Variants in CENPE observed in about 807,000 individuals in gnomAD.
CENPE encodes the protein centromere-associated protein E.
A neutral mutation model predicts 336.1 loss-of-function variants in CENPE; 145 were observed. The observed-to-expected ratio is 0.43, with a 90% CI of 0.38 to 0.50. The LOEUF (loss-of-function observed/expected upper bound fraction) is 0.50. CENPE is among the 20% of genes least tolerant of loss of function. The pLI is 0.00. For missense variants in CENPE, 2,719 were observed against 3,023.3 expected, an observed-to-expected ratio of 0.90 and a Z score of 2.36; for synonymous variants, 1,013 against 984.8, an observed-to-expected ratio of 1.03 and a Z score of -0.54.
At position 103,161,242 on chromosome 4, in the gene CENPE, C is replaced by T; in HGVS notation, c.1975G>A (p.Ala659Thr). The T allele has an allele frequency of 6.2e-7, 1 of 1,607,916 alleles. No individual in the cohort carries two copies. Among genetic ancestry groups the T allele is most frequent in the South Asian group, 1.1e-5 (1 of 89,696 alleles). ...LELKEKMKEL[A>T]TTYKQMENDI... ...TTTTCCATTTGCTTGTATGTAGTTG[C>T]AAGTTCTTTCTATTGAGAAAAACAT... Residue 659 changes from alanine to threonine, a missense_variant, in exon 20 of 49, where the codon GCA becomes ACA. Around this residue, in one of 5 missense-constraint regions of CENPE, gnomAD observed 2,437 missense variants for 2,513.3 expected, o/e 0.97. Coordinates refer to ENST00000265148, the MANE Select transcript of CENPE (RefSeq NM_001813.3).
intron 42 of CENPE, among the ~76,000 whole-genome samples, chr4:103,131,204 C>T (rs1751562063): frequency 6.6e-6 from 1 of 151,972 alleles, no homozygotes; most frequent in African/African-American, 2.4e-5. Flanking sequence ...TGATAAAAGA[C>T]CAATATTCAA....
chr4:103,134,059 A>G (rs1456310931), intron 40 of CENPE, among the ~76,000 whole-genome samples, 167 bp from the exon 41 acceptor site: 3 of 152,098 alleles, frequency 2.0e-5, no homozygotes, highest in Non-Finnish European at 2.9e-5. Context: ...TTTTCCTCTT[A>G]GTATCTTAGG....
intron 48 of CENPE, among the ~76,000 whole-genome samples, chr4:103,107,228 A>G (rs1210714558): frequency 6.6e-6 from 1 of 152,194 alleles, no homozygotes; most frequent in Admixed American, 6.5e-5. Flanking sequence ...AGCCAATAGA[A>G]GGTCCTTAAA....
At chr4:103,107,762 C>T (rs1187959053) in intron 48 of CENPE, among the ~76,000 whole-genome samples, 2 of 152,136 alleles carry the variant, frequency 1.3e-5, no homozygotes, top group Non-Finnish European at 2.9e-5. Flanking sequence ...CTTCTCTACT[C>T]CAAGTCCACA....
chr4:103,164,600 T>A (rs1298875829), intron 16 of CENPE, among the ~76,000 whole-genome samples: 6 of 152,162 alleles, frequency 3.9e-5, no homozygotes, highest in South Asian at 4.1e-4. Flanking sequence ...GAGAACATAT[T>A]TTATTCAACC....
chr4:103,192,935 T>G (rs1331046859), intron 8 of CENPE, among the ~76,000 whole-genome samples: 1 of 151,858 alleles, frequency 6.6e-6, no homozygotes, highest in Non-Finnish European at 1.5e-5. Context: ...TTAATTATTT[T>G]TTTAGGAGGG....
rs2125925548 is a variant in CENPE at position 103,144,405 on chromosome 4, G to A, written c.5071C>T (p.Leu1691Phe). The change falls in exon 33 of 49, where the codon CTT becomes TTT. Residue 1691 changes from leucine (L) to phenylalanine (F), a missense_variant. Leu to Phe is a conservative substitution (Grantham distance 22). This residue lies in a region of CENPE where 2,437 missense variants were observed against 2,513.3 expected (regional missense o/e 0.97). Coordinates refer to ENST00000265148, the MANE Select transcript of CENPE (RefSeq NM_001813.3). ...TTGAGAGTCTCCTCCACACTCCTAA[G>A]GTCATCTCTTTCTTTTGTTACAGAT... ...MRSVTKERDD[L>F]RSVEETLKVE... 3 of 1,613,800 alleles carry A rather than the reference G, an allele frequency of 1.9e-6. No individual in the cohort carries two copies. The East Asian group carries it at 6.7e-5, about 36-fold the overall frequency.
At chr4:103,198,091 T>G (rs904927198) in intron 1 of CENPE, among the ~76,000 whole-genome samples, 173 bp downstream of exon 1, 2 of 152,320 alleles carry the variant, frequency 1.3e-5, no homozygotes, top group African/African-American at 4.8e-5. Flanking sequence ...ATCTTCTAGA[T>G]CTCCGATCCT....
At chr4:103,139,766 A>G (rs1441111790) in intron 38 of CENPE, 23 bp downstream of exon 38, 1 of 1,559,484 alleles carries the variant, frequency 6.4e-7, no homozygotes, top group East Asian at 2.3e-5. Flanking sequence ...TAGTTACTAC[A>G]CAAAGGAAGA....
intron 8 of CENPE, among the ~76,000 whole-genome samples, chr4:103,190,762 G>A (rs1757237665): frequency 2.6e-5 from 4 of 152,080 alleles, no homozygotes; most frequent in South Asian, 2.1e-4. Flanking sequence ...AACACCAAAA[G>A]CAATGACAAC....
chr4:103,135,025 CT>C (rs1751947382), intron 40 of CENPE, among the ~76,000 whole-genome samples: 2 of 152,364 alleles, frequency 1.3e-5, no homozygotes, highest in South Asian at 4.1e-4. Flanking sequence ...CTCTTCTCCA[CT>C]GATTTGGGTA....
At chr4:103,115,935 G>C (rs1750066174) in intron 45 of CENPE, among the ~76,000 whole-genome samples, 1 of 151,908 alleles carries the variant, frequency 6.6e-6, no homozygotes, top group African/African-American at 2.4e-5. Context: ...GTTTCACCGT[G>C]TTAGCCAGGA....
intron 8 of CENPE, among the ~76,000 whole-genome samples, chr4:103,193,021 C>T (rs1279176499): frequency 1.1e-4 from 16 of 151,242 alleles, no homozygotes; most frequent in African/African-American, 2.9e-4. Context: ...CCACCAAGGC[C>T]AGGAGATAAT....
At position 103,140,420 on chromosome 4, in the gene CENPE, T is replaced by G; in HGVS notation, c.5755-6A>C. On this transcript the variant is annotated splice_region_variant and splice_polypyrimidine_tract_variant and intron_variant, in intron 36 of 48. Transcript: ENST00000265148. ...TCCTGTTGTATTTCCAGATCCTTTA[T>G]GGTTAGAAGAAATCAAGAAATGTAA... 6.4e-7 allele frequency: 1 copy of G among 1,551,786 alleles called. No homozygotes were observed. The highest frequency in any genetic ancestry group is 8.7e-7 in the Non-Finnish European group (1 of 1,151,452).
chr4:103,129,994 A>G (rs1180029230), intron 42 of CENPE, among the ~76,000 whole-genome samples: 1 of 152,226 alleles, frequency 6.6e-6, no homozygotes, highest in East Asian at 1.9e-4. Flanking sequence ...TAAAACTCTC[A>G]GCAATAGAGA....
Position 103,182,775 on chromosome 4 carries a change from A to C in CENPE, c.950T>G (p.Leu317Arg). ...TITPVSFDET[L>R]TALQFASTAK... ...AATCAAACTCACCTGGAGAGCAGTA[A>C]GTGTTTCATCAAAAGATACTGGAGT... is the stretch of plus-strand genomic sequence containing the variant. Residue 317 changes from leucine (L) to arginine (R), a missense_variant, in exon 11 of 49, where the codon CTT (leucine) becomes CGT (arginine). Transcript: ENST00000265148. The C allele has an allele frequency of 6.2e-7, 1 of 1,609,846 alleles. No individual in the cohort carries two copies. Among genetic ancestry groups the C allele is most frequent in the Non-Finnish European group, 8.5e-7 (1 of 1,177,910 alleles).
intron 20 of CENPE, 26 bp from the exon 21 acceptor site, chr4:103,160,805 A>C (rs763298850): frequency 6.4e-7 from 1 of 1,557,128 alleles, no homozygotes; most frequent in Non-Finnish European, 8.7e-7. Flanking sequence ...AAATTGTATA[A>C]AGATCCAATG....
At position 103,110,908 on chromosome 4, in the gene CENPE, T is replaced by G; in HGVS notation, c.7644A>C (p.Glu2548Asp). The G allele has an allele frequency of 6.2e-7, 1 of 1,612,172 alleles. No homozygotes were observed. Among genetic ancestry groups the G allele is most frequent in the Non-Finnish European group, 8.5e-7 (1 of 1,179,050 alleles). Residue 2548 changes from glutamate (E) to aspartate (D), a missense_variant, in exon 47 of 49, where the codon GAA (glutamate) becomes GAC (aspartate). This residue lies in a region of CENPE where 2,437 missense variants were observed against 2,513.3 expected (regional missense o/e 0.97). Transcript: ENST00000265148. Reference protein sequence around the residue: ...QNTKALILKSEHIRLEKEISK... With the variant: ...QNTKALILKSDHIRLEKEISK... ...AAATTTCTTTTTCTAGCCTTATATGTTCACTTTTCAAAATAAGAGCTTTTG... is the reference window on the plus strand; with the variant it reads ...AAATTTCTTTTTCTAGCCTTATATGGTCACTTTTCAAAATAAGAGCTTTTG...
chr4:103,123,742 A>G (rs746361975), intron 42 of CENPE, among the ~76,000 whole-genome samples: 4 of 152,170 alleles, frequency 2.6e-5, no homozygotes, highest in Non-Finnish European at 4.4e-5. Context: ...GTTGATGACA[A>G]TGTGTTGTAC....
Sources: gnomAD v4.1 joint callset for allele counts (sites outside exome capture counted in the v4.1 genomes callset) on GRCh38, gnomAD v4.1.1 for gene constraint, gnomAD v4.1.1 regional missense constraint, MANE v1.5 for transcripts, NCBI Gene and HGNC (gene_info 2026-07-23, HGNC 2026-07-21) for gene names.